NWD2: variants seen among roughly 807,000 people sequenced by gnomAD.
The protein encoded by NWD2 is NACHT and WD repeat domain-containing protein 2.
Under a neutral mutation model 132.7 loss-of-function variants are expected in NWD2, and 37 were observed. That is an observed-to-expected ratio of 0.28 (90% CI 0.21 to 0.37). The LOEUF (loss-of-function observed/expected upper bound fraction) is 0.37, where lower values mean the gene tolerates loss of function less well. Ranked by LOEUF, NWD2 falls within the 10% of genes least tolerant of loss-of-function variation. The pLI is 1.00. For synonymous variants in NWD2, 705 were observed against 803.0 expected (o/e 0.88, Z 2.06); for missense variants, 1,592 against 2,122.4 (o/e 0.75, Z 4.91).
chr4:37,309,308 G>A (rs972409597), intron 1 of NWD2, among the ~76,000 whole-genome samples: 4 of 152,072 alleles, frequency 2.6e-5, no homozygotes, highest in Non-Finnish European at 5.9e-5. Context: ...CAAATTCTGG[G>A]GAGCACATGC....
chr4:37,392,123 C>T (rs996087456), intron 3 of NWD2, among the ~76,000 whole-genome samples: 3 of 152,132 alleles, frequency 2.0e-5, no homozygotes, highest in Non-Finnish European at 4.4e-5. Context: ...ATTGCTGGAA[C>T]CTGGGAGGCA....
chr4:37,247,569 G>A (rs1008374874), intron 1 of NWD2, among the ~76,000 whole-genome samples: 11 of 152,038 alleles, frequency 7.2e-5, no homozygotes, highest in East Asian at 5.8e-4. Flanking sequence ...TTTCCCCATC[G>A]GTAACGAAGA....
intron 1 of NWD2, among the ~76,000 whole-genome samples, chr4:37,308,363 T>G (rs995895465): frequency 1.6e-4 from 24 of 152,304 alleles, no homozygotes; most frequent in Middle Eastern, 3.4e-3. Context: ...CTGTAATCAG[T>G]GTCAGTGGTA....
intron 4 of NWD2, among the ~76,000 whole-genome samples, chr4:37,432,882 T>C (rs1315398906): frequency 6.6e-6 from 1 of 152,058 alleles, no homozygotes. Context: ...GTTCATTGAG[T>C]AGAATATTTA....
chr4:37,357,727 A>G (rs1453306226), intron 3 of NWD2, among the ~76,000 whole-genome samples: 1 of 152,168 alleles, frequency 6.6e-6, no homozygotes, highest in Non-Finnish European at 1.5e-5. Flanking sequence ...AATAAGTAAG[A>G]TAAACAGTAA....
Position 37,438,803 on chromosome 4 carries a change from A to G in NWD2, c.709A>G (p.Ile237Val), listed in dbSNP as rs1172322077. Residue 237 changes from isoleucine to valine, a missense_variant and splice_region_variant, in exon 6 of 7, where the codon ATA (isoleucine) becomes GTA (valine). This residue lies in a region of NWD2 where 144 missense variants were observed against 185.7 expected (regional missense o/e 0.78). Transcript: ENST00000309447. The stretch of plus-strand genomic sequence containing the variant: ...CTCCTTCTTATATTTTCTTTCAGCT[A>G]TAGAGGATGAGTTTGACTTTGCTCT... ...SQAKRYLFSA[I>V]EDEFDFALGK... 6 of 1,545,474 alleles carry G rather than the reference A, an allele frequency of 3.9e-6. No homozygotes were observed. Among genetic ancestry groups the G allele is most frequent in the African/African-American group, 1.4e-5 (1 of 72,920 alleles).
intron 1 of NWD2, among the ~76,000 whole-genome samples, chr4:37,323,183 T>C (rs527932145): frequency 1.3e-5 from 2 of 152,288 alleles, no homozygotes; most frequent in East Asian, 3.9e-4. Flanking sequence ...CTTAGCACAC[T>C]ACTGGCCTGC....
At chr4:37,313,270 G>T (rs1324067780) in intron 1 of NWD2, among the ~76,000 whole-genome samples, 3 of 151,032 alleles carry the variant, frequency 2.0e-5, no homozygotes, top group Non-Finnish European at 4.4e-5. Context: ...GACTCTTTTT[G>T]GTTGGTGAGC....
At chr4:37,403,413 T>G (rs2109316210) in intron 3 of NWD2, among the ~76,000 whole-genome samples, 1 of 152,198 alleles carries the variant, frequency 6.6e-6, no homozygotes. Context: ...AGCAGCCACA[T>G]GTGCAAAGAT....
rs1348675771 is a variant in NWD2, at chr4:37,244,871, G to A, written c.-197G>A. On this transcript the variant is annotated 5_prime_UTR_variant, in exon 1 of 7. Coordinates refer to ENST00000309447, the MANE Select transcript of NWD2 (RefSeq NM_001144990.2). This position sits in a 1 kb window ranked among gnomAD's most constrained non-coding sequence, Gnocchi z 5.5. Reference sequence around the variant, plus strand: ...GGAGACCGCCGCGACAGGAGCCCGAGGGTCCGTATGGCTTCTCCTCGCCGG... The same window carrying A: ...GGAGACCGCCGCGACAGGAGCCCGAAGGTCCGTATGGCTTCTCCTCGCCGG... 2 of 619,890 alleles carry A rather than the reference G, an allele frequency of 3.2e-6. No individual in the cohort carries two copies. The highest frequency in any genetic ancestry group is 5.3e-6 in the Non-Finnish European group (2 of 374,688). The allele number at this position is 619,890 out of a possible 1,614,324, so 38.4% of individuals were successfully genotyped here.
intron 3 of NWD2, among the ~76,000 whole-genome samples, chr4:37,358,660 G>A (rs1388888960): frequency 1.3e-5 from 2 of 152,132 alleles, no homozygotes; most frequent in African/African-American, 4.8e-5. Flanking sequence ...TAAAATGGAA[G>A]TGATAATAAC....
intron 3 of NWD2, among the ~76,000 whole-genome samples, chr4:37,384,279 A>G (rs922920347): frequency 5.9e-5 from 9 of 152,086 alleles, no homozygotes; most frequent in Middle Eastern, 6.3e-3. Context: ...TTTGTTTCCA[A>G]TCTTCCACTG....
chr4:37,443,876 G>A lies in NWD2; in HGVS notation c.1888G>A (p.Asp630Asn), dbSNP rs1415453688. 33 of 1,552,208 alleles carry A rather than the reference G, an allele frequency of 2.1e-5. No individual in the cohort carries two copies. The highest frequency in any genetic ancestry group is 8.3e-5 in the South Asian group (7 of 84,068). ...GCACTGGAGATCTCACAAAGACGTC[G>A]ATGAATCCTCCCTCTCTGTCACCGT... is the stretch of plus-strand genomic sequence containing the variant. ...VRHWRSHKDV[D>N]ESSLSVTVHE... The change falls in exon 7 of 7, where the codon GAT (aspartate) becomes AAT (asparagine). Residue 630 changes from aspartate to asparagine, a missense_variant. Physicochemically the swap from Asp to Asn is conservative, Grantham distance 23. Around this residue, in one of 7 missense-constraint regions of NWD2, gnomAD observed 1,071 missense variants for 1,398.0 expected, o/e 0.77. Transcript: ENST00000309447. This position sits in a 1 kb window ranked among gnomAD's most constrained non-coding sequence, Gnocchi z 4.1.
intron 1 of NWD2, among the ~76,000 whole-genome samples, chr4:37,288,715 G>A (rs568437224): frequency 6.6e-6 from 1 of 152,302 alleles, no homozygotes; most frequent in South Asian, 2.1e-4. Context: ...GGCAGAGTTT[G>A]TAGAAAAGTA....
At chr4:37,362,388 G>T (rs1055465247) in intron 3 of NWD2, among the ~76,000 whole-genome samples, 3 of 152,094 alleles carry the variant, frequency 2.0e-5, no homozygotes, top group Admixed American at 6.5e-5. Flanking sequence ...AACAAAGCTG[G>T]AGGCATCACC....
In NWD2 at chr4:37,444,154, A is replaced by T; in HGVS notation, c.2166A>T (p.Arg722Ser). 1 of 1,551,736 alleles carries T rather than the reference A, an allele frequency of 6.4e-7. No homozygotes were observed. Among genetic ancestry groups the T allele is most frequent in the South Asian group, 1.2e-5 (1 of 84,064 alleles). Reference protein sequence around the residue: ...KEGLSGYLIERHVKNVTLLVW... With the variant: ...KEGLSGYLIESHVKNVTLLVW... ...GTCTCAGTGGATACCTAATAGAAAG[A>T]CATGTGAAAAATGTCACACTCCTAG... Residue 722 changes from arginine to serine, a missense_variant, in exon 7 of 7, where the codon AGA becomes AGT. This residue lies in a region of NWD2 where 1,071 missense variants were observed against 1,398.0 expected (regional missense o/e 0.77). Coordinates refer to ENST00000309447, the MANE Select transcript of NWD2 (RefSeq NM_001144990.2). The surrounding 1 kb of genome is among the most constrained non-coding windows in gnomAD (Gnocchi z 4.8).
intron 3 of NWD2, among the ~76,000 whole-genome samples, chr4:37,360,796 T>C (rs569186913): frequency 6.6e-6 from 1 of 152,252 alleles, no homozygotes; most frequent in East Asian, 1.9e-4. Context: ...TCCCCATCCT[T>C]CTCCATGCTG....
At chr4:37,438,387 G>C (rs993947339) in intron 5 of NWD2, among the ~76,000 whole-genome samples, 1 of 152,142 alleles carries the variant, frequency 6.6e-6, no homozygotes, top group African/African-American at 2.4e-5. Flanking sequence ...ACAAGAAACG[G>C]TTAACTAGTT....
intron 1 of NWD2, among the ~76,000 whole-genome samples, chr4:37,276,207 G>A (rs767850181): frequency 7.2e-5 from 11 of 151,970 alleles, no homozygotes; most frequent in Non-Finnish European, 1.3e-4. Context: ...TCATCTGACA[G>A]AGGGCTAATA....
Sources: allele counts gnomAD v4.1 joint callset (sites outside exome capture counted in the v4.1 genomes callset), GRCh38; gene constraint gnomAD v4.1.1; regional missense constraint gnomAD v4.1.1; non-coding constraint Gnocchi (gnomAD v3.1); transcripts MANE v1.5; gene names NCBI Gene and HGNC (gene_info 2026-07-23, HGNC 2026-07-21).